The following DNAJC1 variants were observed in gnomAD, a reference collection of about 807,000 sequenced individuals.
The protein encoded by DNAJC1 is DnaJ heat shock protein family (Hsp40) member C1.
In DNAJC1, 58 loss-of-function variants were observed where a neutral mutation model predicts 76.6. The ratio of observed to expected loss-of-function variants is 0.76; its 90% CI spans 0.61 to 0.94. The LOEUF is 0.94. DNAJC1 is among the 40% of genes least tolerant of loss of function. DNAJC1 has a pLI of 0.00. For missense variants in DNAJC1, 689 were observed against 677.3 expected, an observed-to-expected ratio of 1.02 and a Z score of -0.19; for synonymous variants, 258 against 267.9, an observed-to-expected ratio of 0.96 and a Z score of 0.36.
rs112095589 is a variant in DNAJC1, at chr10:21,942,825, G to A, written c.223-13684C>T. Among the ~76,000 whole-genome samples the A allele has an allele frequency of 2.3e-3, 328 of 141,350 alleles. 2 individuals are homozygous for A. The highest frequency in any genetic ancestry group is 6.8e-3 in the African/African-American group (260 of 38,346). The allele number at this position is 141,350 out of a possible 152,430, so 92.7% of individuals were successfully genotyped here. A position where few individuals can be genotyped will look rare whatever the true frequency, so the allele number is the denominator to read the frequency against. ...CATCTCAAAAAAAAAAAAAAAAAAA[G>A]AAAGAAAGAAAAAGAAATATAAGCA... On this transcript the variant is annotated intron_variant, in intron 1 of 11. Coordinates refer to ENST00000376980, the MANE Select transcript of DNAJC1 (RefSeq NM_022365.4).
intron 9 of DNAJC1, among the ~76,000 whole-genome samples, chr10:21,767,018 C>A (rs1834308908): frequency 6.7e-6 from 1 of 149,632 alleles, no homozygotes. Flanking sequence ...GCAAACAGGT[C>A]ATTTTTTAAA....
intron 9 of DNAJC1, among the ~76,000 whole-genome samples, chr10:21,781,182 T>C (rs1834523267): frequency 6.6e-6 from 1 of 152,166 alleles, no homozygotes; most frequent in Non-Finnish European, 1.5e-5. Flanking sequence ...ATTAGACAGA[T>C]CAAAGAGACA....
chr10:21,911,403 A>G (rs1836861797), intron 6 of DNAJC1, among the ~76,000 whole-genome samples: 1 of 152,234 alleles, frequency 6.6e-6, no homozygotes, highest in South Asian at 2.1e-4. Context: ...AGAATTACAT[A>G]TAATATGCAA....
intron 9 of DNAJC1, among the ~76,000 whole-genome samples, chr10:21,784,781 C>A (rs1001317215): frequency 6.6e-6 from 1 of 151,926 alleles, no homozygotes; most frequent in Non-Finnish European, 1.5e-5. Flanking sequence ...ACCATCATTC[C>A]GAGCAAACTA....
At chr10:21,876,046 A>C (rs1337086664) in intron 8 of DNAJC1, among the ~76,000 whole-genome samples, 1 of 152,228 alleles carries the variant, frequency 6.6e-6, no homozygotes, top group Non-Finnish European at 1.5e-5. Context: ...ATCTAAAAAC[A>C]AAAAATAAAT....
chr10:21,836,590 G>A (rs1193779720), intron 8 of DNAJC1, among the ~76,000 whole-genome samples: 4 of 152,178 alleles, frequency 2.6e-5, no homozygotes, highest in South Asian at 2.1e-4. Flanking sequence ...CCCATCTCAC[G>A]TTCAGAGACA....
At chr10:21,955,557 T>C (rs1837665206) in intron 1 of DNAJC1, among the ~76,000 whole-genome samples, 1 of 152,122 alleles carries the variant, frequency 6.6e-6, no homozygotes, top group Non-Finnish European at 1.5e-5. Context: ...AAAAATTATA[T>C]ATATTTATAA....
intron 8 of DNAJC1, among the ~76,000 whole-genome samples, chr10:21,826,976 TC>T (rs1013378445): frequency 5.3e-5 from 8 of 152,110 alleles, no homozygotes; most frequent in Non-Finnish European, 1.0e-4. Flanking sequence ...TTTTTTTTTT[TC>T]CTTTTGGATC....
intron 1 of DNAJC1, among the ~76,000 whole-genome samples, chr10:21,982,517 C>T (rs1838173792): frequency 6.6e-6 from 1 of 151,774 alleles, no homozygotes; most frequent in South Asian, 2.1e-4. Context: ...AGATTAATAT[C>T]CAGAATATAT....
chr10:21,952,756 C>CTCAA lies in DNAJC1; in HGVS notation c.223-23619_223-23616dup, dbSNP rs533597442. Among the ~76,000 whole-genome samples, 38 of 152,214 alleles carry CTCAA rather than the reference C, an allele frequency of 2.5e-4. No individual in the cohort carries two copies. The South Asian group carries it at 5.8e-3, about 23-fold the overall frequency. On this transcript the variant is annotated intron_variant, in intron 1 of 11. Transcript: ENST00000376980. The stretch of plus-strand genomic sequence containing the variant: ...CCTGGGTGACAGAGCAAGACTCCGT[C>CTCAA]TCAATCAATCAATCAATCAATCGAT...
At chr10:21,834,506 CCGAA>C (rs879319339) in intron 8 of DNAJC1, among the ~76,000 whole-genome samples, 7 of 152,176 alleles carry the variant, frequency 4.6e-5, no homozygotes, top group Non-Finnish European at 1.0e-4. Flanking sequence ...CGTACGCGAG[CCGAA>C]GCAGGGCGAG....
At chr10:21,923,599 A>G (rs1268910322) in intron 3 of DNAJC1, among the ~76,000 whole-genome samples, 1 of 151,964 alleles carries the variant, frequency 6.6e-6, no homozygotes. Flanking sequence ...CTATGATAAA[A>G]AATATCACTA....
At chr10:21,883,233 G>C (rs923837910) in intron 7 of DNAJC1, among the ~76,000 whole-genome samples, 16 of 141,836 alleles carry the variant, frequency 1.1e-4, no homozygotes, top group African/African-American at 4.1e-4. Context: ...CTGGGTGACA[G>C]AGTGAGATTC....
chr10:21,849,288 G>A (rs117204205), intron 8 of DNAJC1, among the ~76,000 whole-genome samples: 2,364 of 46,364 alleles, frequency 0.051, 33 homozygotes, highest in Non-Finnish European at 0.062. Flanking sequence ...GTGGGACTCC[G>A]CCTCAAAAAA....
chr10:21,813,326 C>T (rs1159635261), intron 8 of DNAJC1, among the ~76,000 whole-genome samples: 2 of 149,960 alleles, frequency 1.3e-5, no homozygotes, highest in Non-Finnish European at 1.5e-5. Flanking sequence ...GCCGCTCAAG[C>T]GGCCCAATGG....
intron 6 of DNAJC1, among the ~76,000 whole-genome samples, chr10:21,906,356 C>A (rs1276208739): frequency 3.3e-5 from 5 of 151,272 alleles, no homozygotes. Flanking sequence ...ACATTCCCCA[C>A]CCCCCTTAAA....
chr10:21,869,052 G>A (rs553241054), intron 8 of DNAJC1, among the ~76,000 whole-genome samples: 1 of 151,908 alleles, frequency 6.6e-6, no homozygotes, highest in South Asian at 2.1e-4. Flanking sequence ...GCCCTACAAA[G>A]CCGTCTCTTG....
At chr10:21,793,692 T>C (rs1001738330) in intron 9 of DNAJC1, among the ~76,000 whole-genome samples, 1 of 152,092 alleles carries the variant, frequency 6.6e-6, no homozygotes, top group African/African-American at 2.4e-5. Context: ...ACATCTGTAA[T>C]CCCAACACTT....
At chr10:21,996,028 A>C (rs749734382) in intron 1 of DNAJC1, among the ~76,000 whole-genome samples, 4 of 152,194 alleles carry the variant, frequency 2.6e-5, no homozygotes, top group Non-Finnish European at 2.9e-5. Context: ...TATAGGGCCC[A>C]TCTTTTACAA....
Sources: gnomAD v4.1 joint callset for allele counts (sites outside exome capture counted in the v4.1 genomes callset) on GRCh38, gnomAD v4.1.1 for gene constraint, MANE v1.5 for transcripts, NCBI Gene and HGNC (gene_info 2026-07-23, HGNC 2026-07-21) for gene names.